The following SGCD variants were observed in gnomAD, a reference collection of about 807,000 sequenced individuals.
SGCD encodes delta-sarcoglycan.
In SGCD, 18 loss-of-function variants were observed where a neutral mutation model predicts 36.6. The observed-to-expected ratio is 0.49, with a 90% CI of 0.34 to 0.73. The LOEUF is 0.73. Ranked by LOEUF, SGCD falls within the 30% of genes least tolerant of loss-of-function variation. SGCD has a pLI of 0.01. For missense variants in SGCD, 387 were observed against 346.7 expected, an observed-to-expected ratio of 1.12 and a Z score of -0.92; for synonymous variants, 133 against 130.6, an observed-to-expected ratio of 1.02 and a Z score of -0.12.
chr5:156,145,024 G>C (rs1447461633), intron 3 of SGCD, among the ~76,000 whole-genome samples: 2 of 152,164 alleles, frequency 1.3e-5, no homozygotes, highest in Non-Finnish European at 2.9e-5. Flanking sequence ...GGAGGTTCCA[G>C]GGACAGAATG....
At chr5:156,077,973 CACTTTA>C (rs757570868) in intron 1 of SGCD, among the ~76,000 whole-genome samples, 1 of 152,122 alleles carries the variant, frequency 6.6e-6, no homozygotes. Flanking sequence ...TTCTCACTGT[CACTTTA>C]ACTTTACTTT....
At chr5:156,703,498 C>A (rs970058820) in intron 7 of SGCD, among the ~76,000 whole-genome samples, 1 of 151,526 alleles carries the variant, frequency 6.6e-6, no homozygotes, top group Admixed American at 6.6e-5. Context: ...AATAGCATTA[C>A]TTTTAACATG....
chr5:156,550,150 A>G (rs1758735149), intron 4 of SGCD, among the ~76,000 whole-genome samples: 1 of 152,192 alleles, frequency 6.6e-6, no homozygotes, highest in South Asian at 2.1e-4. Flanking sequence ...GCTCCCAATC[A>G]CACTGCTACC....
intron 1 of SGCD, among the ~76,000 whole-genome samples, chr5:155,876,054 T>A (rs1036700741): frequency 1.4e-4 from 21 of 147,952 alleles, no homozygotes; most frequent in African/African-American, 5.6e-4. Flanking sequence ...TTTTATTTAT[T>A]TTTTTTTATT....
chr5:156,130,485 A>G (rs1376537113), intron 3 of SGCD, among the ~76,000 whole-genome samples: 1 of 152,046 alleles, frequency 6.6e-6, no homozygotes, highest in Non-Finnish European at 1.5e-5. Context: ...AGATGCTCTT[A>G]AGTTTAATTA....
the SGCD span, among the ~76,000 whole-genome samples, chr5:155,791,085 T>G: frequency 6.6e-6 from 1 of 152,152 alleles, no homozygotes; most frequent in Non-Finnish European, 1.5e-5. Flanking sequence ...AAAGAGGCTT[T>G]GAAATCATGA....
At chr5:156,172,128 CA>C (rs1280748146) in intron 3 of SGCD, among the ~76,000 whole-genome samples, 1 of 151,974 alleles carries the variant, frequency 6.6e-6, no homozygotes, top group African/African-American at 2.4e-5. Context: ...ACTAAAAATA[CA>C]AAAAACTAGC....
chr5:156,057,137 CAT>C (rs1054721147), intron 1 of SGCD, among the ~76,000 whole-genome samples: 2 of 146,528 alleles, frequency 1.4e-5, no homozygotes, highest in African/African-American at 4.9e-5. Context: ...TAGTTAATGA[CAT>C]AGGAAAATAT....
intron 7 of SGCD, among the ~76,000 whole-genome samples, chr5:156,684,366 TTGA>T (rs1191153238): frequency 3.3e-5 from 5 of 152,194 alleles, no homozygotes; most frequent in Non-Finnish European, 5.9e-5. Context: ...ATGGATGCTT[TTGA>T]TGAGGGTTGA....
chr5:155,947,662 T>C (rs1354483731), intron 1 of SGCD, among the ~76,000 whole-genome samples: 1 of 152,052 alleles, frequency 6.6e-6, no homozygotes, highest in Non-Finnish European at 1.5e-5. Flanking sequence ...AGAAGTACTT[T>C]TGAAAACGAT....
chr5:156,743,958 A>C (rs1756821986), intron 7 of SGCD, among the ~76,000 whole-genome samples: 1 of 152,194 alleles, frequency 6.6e-6, no homozygotes, highest in African/African-American at 2.4e-5. Flanking sequence ...CAATCTCTAT[A>C]ATGCAAGTTG....
intron 3 of SGCD, among the ~76,000 whole-genome samples, chr5:156,403,826 C>T (rs752653933): frequency 2.1e-5 from 3 of 141,216 alleles, no homozygotes; most frequent in Non-Finnish European, 4.6e-5. Context: ...ATGATATTCC[C>T]TGACATATTT....
At chr5:155,830,381 T>A in the SGCD span, among the ~76,000 whole-genome samples, 1 of 152,182 alleles carries the variant, frequency 6.6e-6, no homozygotes, top group Non-Finnish European at 1.5e-5. Flanking sequence ...TCTGTTGGAT[T>A]AGGGACACAT....
At chr5:156,637,532 G>T (rs549282764) in intron 6 of SGCD, among the ~76,000 whole-genome samples, 2 of 152,246 alleles carry the variant, frequency 1.3e-5, no homozygotes, top group South Asian at 4.1e-4. Flanking sequence ...CCCTCTTGTG[G>T]ACAGTAAAAC....
intron 4 of SGCD, among the ~76,000 whole-genome samples, chr5:156,580,621 C>A (rs1439079523): frequency 1.3e-5 from 2 of 151,930 alleles, no homozygotes; most frequent in African/African-American, 4.8e-5. Context: ...TTTCTCTAAA[C>A]TTCTCTTCTT....
At chr5:156,738,206 T>C (rs1056259808) in intron 7 of SGCD, among the ~76,000 whole-genome samples, 2 of 152,330 alleles carry the variant, frequency 1.3e-5, no homozygotes, top group Non-Finnish European at 2.9e-5. Flanking sequence ...TCTTTGATAT[T>C]CAAATCAATT....
At chr5:155,853,906 T>A in the SGCD span, among the ~76,000 whole-genome samples, 1 of 152,210 alleles carries the variant, frequency 6.6e-6, no homozygotes, top group Non-Finnish European at 1.5e-5. Context: ...GCTTTGTTGA[T>A]GGCTTGTTGA....
chr5:156,408,776 C>G (rs895696700), intron 3 of SGCD, among the ~76,000 whole-genome samples: 1 of 152,172 alleles, frequency 6.6e-6, no homozygotes. Context: ...GGATATTTTG[C>G]CTTCTTTTCC....
At chr5:155,811,727 G>A in the SGCD span, among the ~76,000 whole-genome samples, 3 of 152,114 alleles carry the variant, frequency 2.0e-5, no homozygotes, top group Non-Finnish European at 4.4e-5. Context: ...AGCTGGGTCC[G>A]GGGGGTCACC....
Sources: gnomAD v4.1 joint callset for allele counts (sites outside exome capture counted in the v4.1 genomes callset) on GRCh38, gnomAD v4.1.1 for gene constraint, MANE v1.5 for transcripts, NCBI Gene and HGNC (gene_info 2026-07-23, HGNC 2026-07-21) for gene names.